CCDC34: variants seen among roughly 807,000 people sequenced by gnomAD.
The protein encoded by CCDC34 is coiled-coil domain-containing protein 34.
CCDC34 carries 40 observed loss-of-function variants against 44.1 expected under a neutral mutation model. The observed-to-expected ratio is 0.91, with a 90% CI of 0.70 to 1.18. CCDC34 has a LOEUF of 1.18. Among genes scored for constraint, CCDC34 ranks in the 50% most tolerant of loss-of-function variants. The pLI, the probability that CCDC34 is intolerant of heterozygous loss-of-function variation, is 0.00. For synonymous variants in CCDC34, 159 were observed against 158.2 expected (o/e 1.01, Z -0.04); for missense variants, 466 against 452.3 (o/e 1.03, Z -0.28).
At chr11:27,359,883 T>C (rs1862637158) in intron 1 of CCDC34, among the ~76,000 whole-genome samples, 1 of 152,140 alleles carries the variant, frequency 6.6e-6, no homozygotes, top group Non-Finnish European at 1.5e-5. Context: ...CCACAACTCT[T>C]GGGCTTCCTG....
At chr11:27,355,073 C>T (rs1325925978) in intron 2 of CCDC34, among the ~76,000 whole-genome samples, 1 of 152,108 alleles carries the variant, frequency 6.6e-6, no homozygotes, top group South Asian at 2.1e-4. Flanking sequence ...ATTAACTTCT[C>T]TCTGTACACT....
In CCDC34 at chr11:27,363,188, C is replaced by T. The variant is rs1007226029; in HGVS notation, c.7G>A (p.Ala3Thr). The change falls in exon 1 of 6, where the codon GCG becomes ACG. Residue 3 changes from alanine to threonine, a missense_variant. Transcript: ENST00000328697. Reference sequence around the variant, plus strand: ...AAAGTAGGCCCCCAGCGCCCCGCCGCCCACATCTGGCCCGCCAAGTTCAAA... The same window carrying T: ...AAAGTAGGCCCCCAGCGCCCCGCCGTCCACATCTGGCCCGCCAAGTTCAAA... MW[A>T]AGRWGPTFPS... 3 of 1,483,218 alleles carry T rather than the reference C, an allele frequency of 2.0e-6. No individual in the cohort carries two copies. The highest frequency in any genetic ancestry group is 2.7e-6 in the Non-Finnish European group (3 of 1,124,930). The allele number at this position is 1,483,218 out of a possible 1,614,324, so 91.9% of individuals were successfully genotyped here. A position where few individuals can be genotyped will look rare whatever the true frequency, so the allele number is the denominator to read the frequency against.
chr11:27,339,104 C>A (rs962413717), intron 5 of CCDC34, 69 bp from the exon 6 acceptor site: 1 of 1,155,688 alleles, frequency 8.7e-7, no homozygotes, highest in Non-Finnish European at 1.2e-6. Flanking sequence ...CCACTTAAAA[C>A]TTCTAGAAAA....
chr11:27,349,630 T>C, intron 3 of CCDC34: 1 of 983,660 alleles, frequency 1.0e-6, no homozygotes, highest in South Asian at 4.7e-5. Flanking sequence ...ACAGAATAAG[T>C]ATTTTTAAAA....
rs1214249966 is a variant in CCDC34, at chr11:27,362,689, T to G, written c.359+147A>C. ...TTGCAAGAATTTGCACAGGGCTCTT[T>G]ATGTGCAAAAAAAACCACGGCACCT... is the stretch of plus-strand genomic sequence containing the variant. On this transcript the variant is annotated intron_variant, in intron 1 of 5. Transcript: ENST00000328697. The G allele has an allele frequency of 3.8e-6, 3 of 788,900 alleles. No individual in the cohort carries two copies. The East Asian group carries it at 7.7e-5, about 20-fold the overall frequency. 48.9% of individuals were successfully genotyped at this position (788,900 alleles called of 1,614,324 possible).
At chr11:27,350,539 T>C (rs1862493309) in intron 2 of CCDC34, 100 bp from the exon 3 acceptor site, 1 of 1,170,774 alleles carries the variant, frequency 8.5e-7, no homozygotes, top group East Asian at 2.6e-5. Context: ...AACAAGAATA[T>C]AGTTTCCTTT....
At chr11:27,362,132 A>G (rs1862672895) in intron 1 of CCDC34, among the ~76,000 whole-genome samples, 1 of 152,228 alleles carries the variant, frequency 6.6e-6, no homozygotes, top group African/African-American at 2.4e-5. Flanking sequence ...TTAGGCTTCA[A>G]TTCATGAGAG....
intron 2 of CCDC34, among the ~76,000 whole-genome samples, chr11:27,353,879 C>T (rs191000073): frequency 5.3e-5 from 8 of 152,264 alleles, no homozygotes; most frequent in African/African-American, 1.9e-4. Context: ...GAATTAGGTG[C>T]CAGTCCCAGT....
intron 1 of CCDC34, among the ~76,000 whole-genome samples, chr11:27,361,684 A>T (rs1862666696): frequency 6.6e-6 from 1 of 152,252 alleles, no homozygotes; most frequent in Non-Finnish European, 1.5e-5. Flanking sequence ...CACTCCTGTA[A>T]CCATGTATAC....
intron 3 of CCDC34, chr11:27,350,083 A>G: frequency 7.4e-7 from 1 of 1,351,010 alleles, no homozygotes; most frequent in Non-Finnish European, 9.5e-7. Context: ...CAGGCCTAGA[A>G]ATACAGACTT....
intron 1 of CCDC34, among the ~76,000 whole-genome samples, chr11:27,359,069 C>T (rs1374471945): frequency 3.3e-5 from 5 of 151,664 alleles, no homozygotes. Flanking sequence ...TTACAACCAC[C>T]ATCTGGACAA....
intron 3 of CCDC34, 134 bp downstream of exon 3, chr11:27,350,198 A>G (rs1409138252): frequency 6.4e-7 from 1 of 1,572,002 alleles, no homozygotes; most frequent in Non-Finnish European, 8.6e-7. Context: ...GTCCACCAGG[A>G]TAGAAAAACA....
At chr11:27,362,319 C>T (rs1172773253) in intron 1 of CCDC34, among the ~76,000 whole-genome samples, 2 of 152,196 alleles carry the variant, frequency 1.3e-5, no homozygotes, top group African/African-American at 4.8e-5. Flanking sequence ...CCTCTCTAAC[C>T]ACGTCTCCAC....
intron 2 of CCDC34, among the ~76,000 whole-genome samples, chr11:27,352,330 C>T (rs1021495768): frequency 6.6e-6 from 1 of 151,146 alleles, no homozygotes; most frequent in African/African-American, 2.4e-5. Flanking sequence ...TTTCAGTGAG[C>T]TGAAATCATA....
rs749860561 is a variant in CCDC34 at position 27,350,374 on chromosome 11, A to C, written c.564T>G (p.Ala188=). ...GAACCCATTCCTTGTGCTTTTCTTC[A>C]GCAATTATCTTTCTTTTTTCACGTT... ...MEEREKRKII[A]EEKHKEWVQK... Residue 188 remains alanine, a synonymous_variant, in exon 3 of 6, where the codon GCT becomes GCG. Transcript: ENST00000328697. 1.9e-6 allele frequency: 3 copies of C among 1,613,388 alleles called. No homozygotes were observed. In the African/African-American group the frequency reaches 4.0e-5, roughly 22 times the overall value.
chr11:27,340,901 C>G, intron 4 of CCDC34, 64 bp from the exon 5 acceptor site: 1 of 1,520,226 alleles, frequency 6.6e-7, no homozygotes, highest in Non-Finnish European at 8.9e-7. Context: ...CATTCAAATT[C>G]TACTGATTTT....
intron 1 of CCDC34, among the ~76,000 whole-genome samples, chr11:27,362,472 C>G (rs943859249): frequency 1.3e-5 from 2 of 152,182 alleles, no homozygotes; most frequent in African/African-American, 4.8e-5. Context: ...CAGTAAACCA[C>G]GTTCTGGTGT....
intron 1 of CCDC34, among the ~76,000 whole-genome samples, chr11:27,360,936 G>A (rs900702497): frequency 1.3e-5 from 2 of 152,212 alleles, no homozygotes; most frequent in African/African-American, 4.8e-5. Context: ...AGGACCAATG[G>A]AGAGAAAGAA....
intron 1 of CCDC34, among the ~76,000 whole-genome samples, chr11:27,358,958 A>AGGC: frequency 1.1e-5 from 1 of 88,246 alleles, no homozygotes; most frequent in African/African-American, 4.1e-5. Context: ...CAACATGTGG[A>AGGC]CCCCCCCCCC....
Sources: allele counts gnomAD v4.1 joint callset (sites outside exome capture counted in the v4.1 genomes callset), GRCh38; gene constraint gnomAD v4.1.1; transcripts MANE v1.5; gene names NCBI Gene and HGNC (gene_info 2026-07-23, HGNC 2026-07-21).